SPIRE2: variants seen among roughly 807,000 people sequenced by gnomAD.
SPIRE2 encodes the protein spire type actin nucleation factor 2, also known as protein spire homolog 2.
SPIRE2 carries 76 observed loss-of-function variants against 80.7 expected under a neutral mutation model. That is an observed-to-expected ratio of 0.94 (90% CI 0.78 to 1.14). The LOEUF (loss-of-function observed/expected upper bound fraction) is 1.14, where lower values mean the gene tolerates loss of function less well. Among genes scored for constraint, SPIRE2 ranks in the 50% most tolerant of loss-of-function variants. SPIRE2 has a pLI of 0.00. For synonymous variants in SPIRE2, 535 were observed against 432.6 expected (o/e 1.24, Z -2.94); for missense variants, 1,196 against 1,015.3 (o/e 1.18, Z -2.42).
At position 89,850,988 on chromosome 16, in the gene SPIRE2, C is replaced by T. The variant is rs112599341; in HGVS notation, c.645+328C>T. Reference sequence around the variant, plus strand: ...GGTAGCTGGGATTACAGGTGCCCACCACCATGCCTGGTAGTAGAGACGGGG... The same window carrying T: ...GGTAGCTGGGATTACAGGTGCCCACTACCATGCCTGGTAGTAGAGACGGGG... On this transcript the variant is annotated intron_variant, in intron 3 of 14. Coordinates refer to ENST00000378247, the MANE Select transcript of SPIRE2 (RefSeq NM_032451.2). Among the ~76,000 whole-genome samples, 1,191 of 152,104 alleles carry T rather than the reference C, an allele frequency of 7.8e-3. 15 individuals carry two copies. Among genetic ancestry groups the T allele is most frequent in the African/African-American group, 0.027 (1,124 of 41,496 alleles).
At chr16:89,837,396 C>G (rs1390863751) in intron 1 of SPIRE2, among the ~76,000 whole-genome samples, 1 of 152,210 alleles carries the variant, frequency 6.6e-6, no homozygotes, top group African/African-American at 2.4e-5. Flanking sequence ...CTCACCCTCT[C>G]TGGACCTCTT....
Position 89,856,115 on chromosome 16 carries a change from C to A in SPIRE2, c.981C>A (p.Val327=), listed in dbSNP as rs1045083220. The A allele has an allele frequency of 6.2e-7, 1 of 1,611,820 alleles. No individual in the cohort carries two copies. The highest frequency in any genetic ancestry group is 8.5e-7 in the Non-Finnish European group (1 of 1,179,676). Residue 327 remains valine (V), a splice_region_variant and synonymous_variant, in exon 7 of 15, where the codon GTC becomes GTA. Transcript: ENST00000378247. ...CAGGTCTCGCTTCCCCACCGCAGGT[C>A]TCTGAGAGGCGGCTGCGCCCGTTGC... The part of the protein sequence containing the change: ...FIRSRPPLKQ[V]SERRLRPLPP...
chr16:89,840,439 C>T (rs1405653361), intron 1 of SPIRE2, among the ~76,000 whole-genome samples: 12 of 150,200 alleles, frequency 8.0e-5, no homozygotes, highest in Admixed American at 2.0e-4. Flanking sequence ...TTAGTAGAGA[C>T]GGGGTTTCAC....
rs751507684 is a variant in SPIRE2 at position 89,859,294 on chromosome 16, G to A, written c.1402G>A (p.Glu468Lys). ...GGCCACCCACCCCCCAGGAGGGACG[G>A]AGCCACCACGGCCCCGAGCTGGCAG... ...QSATHPPGGT[E>K]PPRPRAGSAH... The change falls in exon 9 of 15, where the codon GAG becomes AAG. Residue 468 changes from glutamate to lysine, a missense_variant. Physicochemically the swap from Glu to Lys is moderately conservative, Grantham distance 56 (BLOSUM62 1). Transcript: ENST00000378247. 6.2e-7 allele frequency: 1 copy of A among 1,601,174 alleles called. No individual in the cohort carries two copies. The highest frequency in any genetic ancestry group is 1.1e-5 in the South Asian group (1 of 90,596).
chr16:89,859,211 CCTT>C lies in SPIRE2; in HGVS notation c.1322_1324del (p.Phe441del). The stretch of plus-strand genomic sequence containing the variant: ...GAGGTGACGCTGAAACGGGACCGCT[CCTT>C]CTCAGAGCATGACCTGGCCCAGCTC... On this transcript the variant is annotated inframe_deletion, in exon 9 of 15. Coordinates refer to ENST00000378247, the MANE Select transcript of SPIRE2 (RefSeq NM_032451.2). 6.2e-7 allele frequency: 1 copy of C among 1,602,972 alleles called. No individual in the cohort carries two copies. The highest frequency in any genetic ancestry group is 8.5e-7 in the Non-Finnish European group (1 of 1,174,732).
intron 12 of SPIRE2, among the ~76,000 whole-genome samples, chr16:89,867,195 G>A (rs537385241): frequency 5.3e-5 from 8 of 151,354 alleles, no homozygotes; most frequent in Non-Finnish European, 1.0e-4. Context: ...CCCAGGCTGC[G>A]GTGCAGTGCC....
Position 89,863,443 on chromosome 16 carries a change from A to T in SPIRE2, c.1576-33A>T. 1 of 1,613,256 alleles carries T rather than the reference A, an allele frequency of 6.2e-7. No homozygotes were observed. The highest frequency in any genetic ancestry group is 1.1e-5 in the South Asian group (1 of 91,068). On this transcript the variant is annotated intron_variant, in intron 10 of 14. Coordinates refer to ENST00000378247, the MANE Select transcript of SPIRE2 (RefSeq NM_032451.2). This position sits in a 1 kb window ranked among gnomAD's most constrained non-coding sequence, Gnocchi z 4.3. ...AGAGTAAGCTAGGGGAGCCTCCTGC[A>T]TAGAAGACTTCCTACCTGAGGCCGT...
intron 2 of SPIRE2, 162 bp downstream of exon 2, chr16:89,845,527 T>C: frequency 1.3e-6 from 1 of 760,266 alleles, no homozygotes; most frequent in Non-Finnish European, 2.3e-6. Context: ...GATGAAACGC[T>C]GTTCACAGAG....
Position 89,828,919 on chromosome 16 carries a change from C to A in SPIRE2, c.244+125C>A. On this transcript the variant is annotated intron_variant, in intron 1 of 14. Coordinates refer to ENST00000378247, the MANE Select transcript of SPIRE2 (RefSeq NM_032451.2). The surrounding 1 kb of genome is among the most constrained non-coding windows in gnomAD (Gnocchi z 5.9). ...CTGGAGCGGGAGATCCCCTTCTCTG[C>A]GGGACCCGGAGCTCCCTCCCTCCCA... 2.6e-6 allele frequency: 2 copies of A among 758,404 alleles called. No individual in the cohort carries two copies. Among genetic ancestry groups the A allele is most frequent in the Non-Finnish European group, 3.4e-6 (2 of 581,622 alleles). The allele number at this position is 758,404 out of a possible 1,614,324, so 47.0% of individuals were successfully genotyped here.
At position 89,828,805 on chromosome 16, in the gene SPIRE2, G is replaced by GGGCGGGGCAGCC; in HGVS notation, c.244+19_244+30dup. On this transcript the variant is annotated intron_variant, in intron 1 of 14. Transcript: ENST00000378247. The surrounding 1 kb of genome is among the most constrained non-coding windows in gnomAD (Gnocchi z 5.9). ...AGCCCGAGGCCGCGGGTGAGGCCGG[G>GGGCGGGGCAGCC]GGCGGGGCAGCCGGCGGGGACCGCG... The GGGCGGGGCAGCC allele has an allele frequency of 8.5e-7, 1 of 1,178,198 alleles. No individual in the cohort carries two copies. The highest frequency in any genetic ancestry group is 1.0e-6 in the Non-Finnish European group (1 of 953,324). 73.0% of individuals were successfully genotyped at this position (1,178,198 alleles called of 1,614,324 possible).
chr16:89,869,280 CCT>C (rs1260579213), intron 13 of SPIRE2, among the ~76,000 whole-genome samples: 1 of 151,374 alleles, frequency 6.6e-6, no homozygotes, highest in Non-Finnish European at 1.5e-5. Context: ...CTAAGGAGCC[CCT>C]GTCCAGATGA....
chr16:89,840,352 T>C (rs576783418), intron 1 of SPIRE2, among the ~76,000 whole-genome samples: 6 of 143,990 alleles, frequency 4.2e-5, no homozygotes, highest in African/African-American at 7.6e-5. Context: ...CGGGTTCACA[T>C]CATTCTCCTG....
chr16:89,864,170 C>A (rs2041768889), intron 12 of SPIRE2, among the ~76,000 whole-genome samples: 1 of 152,144 alleles, frequency 6.6e-6, no homozygotes, highest in Non-Finnish European at 1.5e-5. Flanking sequence ...AAAGGAAACA[C>A]AACGGGGCAA....
At chr16:89,867,257 C>T (rs1421263723) in intron 12 of SPIRE2, among the ~76,000 whole-genome samples, 1 of 151,714 alleles carries the variant, frequency 6.6e-6, no homozygotes, top group East Asian at 2.0e-4. Context: ...CAATTCTCTG[C>T]CTCAGCCTCC....
chr16:89,835,362 G>A (rs923227938), intron 1 of SPIRE2, among the ~76,000 whole-genome samples: 2 of 152,172 alleles, frequency 1.3e-5, no homozygotes, highest in African/African-American at 4.8e-5. Context: ...GTTAATGGTG[G>A]GAATGTGGCC....
Position 89,863,686 on chromosome 16 carries a change from G to C in SPIRE2, c.1710+76G>C, listed in dbSNP as rs772663594. ...GGGTGCCGAGAGGGCCAGTTCCCAG[G>C]ACTGTTTGCTCATGATCTGGTTGGG... On this transcript the variant is annotated intron_variant, in intron 11 of 14. Transcript: ENST00000378247. This position sits in a 1 kb window ranked among gnomAD's most constrained non-coding sequence, Gnocchi z 4.3. 1.1e-4 allele frequency: 177 copies of C among 1,612,322 alleles called. No individual in the cohort carries two copies. The highest frequency in any genetic ancestry group is 1.3e-4 in the Non-Finnish European group (151 of 1,178,698).
intron 1 of SPIRE2, chr16:89,836,356 C>T (rs1051207473): frequency 1.2e-5 from 5 of 414,734 alleles, no homozygotes; most frequent in South Asian, 3.3e-5. Flanking sequence ...GTGATTCTGC[C>T]GACTGCAGCG....
At position 89,863,818 on chromosome 16, in the gene SPIRE2, T is replaced by G; in HGVS notation, c.1735T>G (p.Phe579Val). ...GATTTGCTGCTGCTGCCGGGCCAAG[T>G]TCCCGCTGTTCTCGTGGCCGCCCAG... Reference protein sequence around the residue: ...GKICCCCRAKFPLFSWPPSCL... With the variant: ...GKICCCCRAKVPLFSWPPSCL... The change falls in exon 12 of 15, where the codon TTC becomes GTC. Residue 579 changes from phenylalanine to valine, a missense_variant. By Grantham distance (50) the Phe-to-Val change is conservative (BLOSUM62 -1). Coordinates refer to ENST00000378247, the MANE Select transcript of SPIRE2 (RefSeq NM_032451.2). This position sits in a 1 kb window ranked among gnomAD's most constrained non-coding sequence, Gnocchi z 4.3. 1 of 1,614,082 alleles carries G rather than the reference T, an allele frequency of 6.2e-7. No homozygotes were observed. Among genetic ancestry groups the G allele is most frequent in the Non-Finnish European group, 8.5e-7 (1 of 1,179,988 alleles).
chr16:89,870,025 C>G (rs750717847), intron 14 of SPIRE2, 25 bp from the exon 15 acceptor site: 1 of 1,601,142 alleles, frequency 6.2e-7, no homozygotes, highest in South Asian at 1.1e-5. Flanking sequence ...GCTCCTCTCC[C>G]TGAGTGCCCT....
Sources: allele counts gnomAD v4.1 joint callset (sites outside exome capture counted in the v4.1 genomes callset), GRCh38; gene constraint gnomAD v4.1.1; non-coding constraint Gnocchi (gnomAD v3.1); transcripts MANE v1.5; gene names NCBI Gene and HGNC (gene_info 2026-07-23, HGNC 2026-07-21).